Variants in FOXN3 observed in about 807,000 individuals in gnomAD.
FOXN3 encodes forkhead box protein N3.
FOXN3 carries 7 observed loss-of-function variants against 38.4 expected under a neutral mutation model. The ratio of observed to expected loss-of-function variants is 0.18; its 90% CI spans 0.10 to 0.34. The LOEUF is 0.34. Among genes scored for constraint, FOXN3 ranks in the 10% least tolerant of loss-of-function variants. The probability of loss-of-function intolerance (pLI) is 1.00; values close to 1 mark genes in which losing one functional copy is unlikely to be tolerated. For synonymous variants in FOXN3, 230 were observed against 242.2 expected, an observed-to-expected ratio of 0.95 and a Z score of 0.47; for missense variants, 456 against 613.4, an observed-to-expected ratio of 0.74 and a Z score of 2.71.
intron 1 of FOXN3, among the ~76,000 whole-genome samples, chr14:89,469,053 T>C (rs1893040490): frequency 1.3e-5 from 2 of 152,228 alleles, no homozygotes; most frequent in Non-Finnish European, 2.9e-5. Context: ...AATAAGCAAG[T>C]GACAAAATGG....
At chr14:89,302,125 C>G (rs117270455) in intron 3 of FOXN3, among the ~76,000 whole-genome samples, 1 of 152,174 alleles carries the variant, frequency 6.6e-6, no homozygotes, top group African/African-American at 2.4e-5. Context: ...GGGCTGGAGC[C>G]GAAGAAACTG....
upstream of FOXN3, among the ~76,000 whole-genome samples, chr14:89,420,079 T>C (rs1254393297): frequency 6.6e-6 from 1 of 152,174 alleles, no homozygotes; most frequent in East Asian, 1.9e-4. Context: ...CATATTCCTT[T>C]CGTGCTTCCC....
chr14:89,331,212 CTT>C (rs1888237053), intron 3 of FOXN3, among the ~76,000 whole-genome samples: 1 of 152,198 alleles, frequency 6.6e-6, no homozygotes, highest in Non-Finnish European at 1.5e-5. Flanking sequence ...CCATTCCCAC[CTT>C]CCCCCAGGCC....
chr14:89,235,663 GA>G (rs1417465202), intron 4 of FOXN3, among the ~76,000 whole-genome samples: 3 of 152,204 alleles, frequency 2.0e-5, no homozygotes, highest in Non-Finnish European at 4.4e-5. Context: ...TCCTGGATTA[GA>G]TAGTCCAGGT....
In FOXN3 at chr14:89,378,213, T is replaced by C. The variant is rs150111715; in HGVS notation, c.544-27405A>G. 6.4e-3 allele frequency among the ~76,000 whole-genome samples: 974 copies of C among 152,340 alleles called. 11 individuals carry two copies. The highest frequency in any genetic ancestry group is 0.022 in the African/African-American group (927 of 41,572). On this transcript the variant is annotated intron_variant, in intron 2 of 5. Transcript: ENST00000557258. Reference sequence around the variant, plus strand: ...CTACCTTGTGCATATTATCCATTCATTGATACAGAAAATCAAGAGCTCCCA... The same window carrying C: ...CTACCTTGTGCATATTATCCATTCACTGATACAGAAAATCAAGAGCTCCCA...
intron 1 of FOXN3, among the ~76,000 whole-genome samples, chr14:89,506,490 C>A (rs1178931308): frequency 6.8e-6 from 1 of 147,202 alleles, no homozygotes; most frequent in Non-Finnish European, 1.5e-5. Context: ...CCGCCCCGTC[C>A]GGGAGGGAGG....
intron 1 of FOXN3, among the ~76,000 whole-genome samples, chr14:89,473,106 G>C (rs1349335470): frequency 1.3e-5 from 2 of 151,050 alleles, no homozygotes; most frequent in Non-Finnish European, 3.0e-5. Flanking sequence ...CTCACTGTAA[G>C]CTCCATCTCC....
chr14:89,547,422 T>C (rs1894909414), intron 1 of FOXN3, among the ~76,000 whole-genome samples: 1 of 151,942 alleles, frequency 6.6e-6, no homozygotes, highest in Non-Finnish European at 1.5e-5. Context: ...GCGTGGCTAA[T>C]TGTTTTTTTG....
upstream of FOXN3, among the ~76,000 whole-genome samples, chr14:89,420,162 G>A (rs1891864977): frequency 6.6e-6 from 1 of 152,244 alleles, no homozygotes; most frequent in African/African-American, 2.4e-5. Context: ...AGGGCTGCCA[G>A]CAGCAAGCCC....
Position 89,163,006 on chromosome 14 carries a change from A to G in FOXN3, c.852-37T>C, listed in dbSNP as rs779504673. ...GGACAGTGGGGAGGGACGGGAGACAAAGAAGGGACACAGTTAGACGTCCTC... is the reference window on the plus strand; with the variant it reads ...GGACAGTGGGGAGGGACGGGAGACAGAGAAGGGACACAGTTAGACGTCCTC... On this transcript the variant is annotated intron_variant, in intron 5 of 5. Transcript: ENST00000557258. This position sits in a 1 kb window ranked among gnomAD's most constrained non-coding sequence, Gnocchi z 4.3. 15 of 1,501,776 alleles carry G rather than the reference A, an allele frequency of 1.0e-5. No individual in the cohort carries two copies. Among genetic ancestry groups the G allele is most frequent in the Non-Finnish European group, 1.3e-5 (15 of 1,125,782 alleles). The allele number at this position is 1,501,776 out of a possible 1,614,324, so 93.0% of individuals were successfully genotyped here.
chr14:89,494,356 T>C (rs1179945885), intron 1 of FOXN3, among the ~76,000 whole-genome samples: 3 of 152,230 alleles, frequency 2.0e-5, no homozygotes, highest in Non-Finnish European at 4.4e-5. Context: ...ACTGCTTTAA[T>C]ATTTTTTTAG....
In FOXN3 at chr14:89,161,596, T is replaced by TGTGTGTGTGTGTGTGTGTGTGTGTGC. The variant is rs61390956; in HGVS notation, c.*817_*818insGCACACACACACACACACACACACAC. On this transcript the variant is annotated 3_prime_UTR_variant, in exon 6 of 6. Coordinates refer to ENST00000557258, the MANE Select transcript of FOXN3 (RefSeq NM_005197.4). ...GTGTGTGTGTGTGTGTGTGTGTGTG[T>TGTGTGTGTGTGTGTGTGTGTGTGTGC]GCGTGCGTGCACAGGGCCAATCTTC... is the stretch of plus-strand genomic sequence containing the variant. 8 of 136,706 alleles carry TGTGTGTGTGTGTGTGTGTGTGTGTGC rather than the reference T, an allele frequency of 5.9e-5. No homozygotes were observed. Among genetic ancestry groups the TGTGTGTGTGTGTGTGTGTGTGTGTGC allele is most frequent in the Admixed American group, 1.5e-4 (2 of 13,660 alleles). 8.5% of individuals were successfully genotyped at this position (136,706 alleles called of 1,614,324 possible).
intron 3 of FOXN3, among the ~76,000 whole-genome samples, chr14:89,288,708 CTCTCTCTCTCTCTCTCTATATA>C (rs1886739729): frequency 1.7e-4 from 14 of 81,786 alleles, no homozygotes; most frequent in African/African-American, 8.8e-4. Flanking sequence ...CTCTCTCTCT[CTCTCTCTCTCTCTCTCTATATA>C]TATATATATA....
intron 4 of FOXN3, among the ~76,000 whole-genome samples, chr14:89,248,732 G>T (rs1885368610): frequency 6.6e-6 from 1 of 152,204 alleles, no homozygotes; most frequent in Non-Finnish European, 1.5e-5. Context: ...CTATAGACAT[G>T]ATTTTGATTT....
At position 89,506,199 on chromosome 14, in the gene FOXN3, G is replaced by A. The variant is rs1219295856; in HGVS notation, c.-14-93709C>T. On this transcript the variant is annotated intron_variant, in intron 1 of 6. Transcript: ENST00000345097. Reference sequence around the variant, plus strand: ...AGCTGCCCCGTCCGGGCGGTGAGGGGCGCCTCTGCCCGGCCGCCTCTACTG... The same window carrying A: ...AGCTGCCCCGTCCGGGCGGTGAGGGACGCCTCTGCCCGGCCGCCTCTACTG... Among the ~76,000 whole-genome samples the A allele has an allele frequency of 2.5e-5, 2 of 79,042 alleles. 1 individual carries two copies. The highest frequency in any genetic ancestry group is 2.6e-4 in the Admixed American group (2 of 7,600). The allele number at this position is 79,042 out of a possible 152,430, so 51.9% of individuals were successfully genotyped here. A position where few individuals can be genotyped will look rare whatever the true frequency, so the allele number is the denominator to read the frequency against.
chr14:89,385,212 G>T (rs748530993), intron 2 of FOXN3, among the ~76,000 whole-genome samples: 22 of 152,014 alleles, frequency 1.4e-4, no homozygotes, highest in Non-Finnish European at 3.1e-4. Flanking sequence ...AAAGGAAGTG[G>T]GGTATAAATT....
chr14:89,500,931 T>G (rs1893784974), intron 1 of FOXN3, among the ~76,000 whole-genome samples: 1 of 152,218 alleles, frequency 6.6e-6, no homozygotes, highest in Non-Finnish European at 1.5e-5. Flanking sequence ...ATTCTGAAAT[T>G]ATCACAGTGA....
At chr14:89,506,200 C>T (rs1403931446) in intron 1 of FOXN3, among the ~76,000 whole-genome samples, 2 of 38,698 alleles carry the variant, frequency 5.2e-5, no homozygotes, top group African/African-American at 1.0e-4. Context: ...CGGTGAGGGG[C>T]GCCTCTGCCC....
At chr14:89,524,348 C>T (rs1324457089) in intron 1 of FOXN3, among the ~76,000 whole-genome samples, 1 of 107,126 alleles carries the variant, frequency 9.3e-6, no homozygotes, top group Admixed American at 1.5e-4. Context: ...GCACTCCAGC[C>T]TGGCGACAGC....
Sources: allele counts gnomAD v4.1 joint callset (sites outside exome capture counted in the v4.1 genomes callset), GRCh38; gene constraint gnomAD v4.1.1; non-coding constraint Gnocchi (gnomAD v3.1); transcripts MANE v1.5; gene names NCBI Gene and HGNC (gene_info 2026-07-23, HGNC 2026-07-21).